Variants in LOC400499 observed in about 807,000 individuals in gnomAD.
chr16:11,446,984 G>C, the LOC400499 span: 1 of 1,460,738 alleles, frequency 6.8e-7, no homozygotes, highest in Non-Finnish European at 9.1e-7. Flanking sequence ...TGTGCCCCAC[G>C]GTCTCAGCCT....
the LOC400499 span, chr16:11,383,708 G>T: frequency 8.1e-7 from 1 of 1,232,506 alleles, no homozygotes. Flanking sequence ...GCGGCCGCCA[G>T]GTTGCAGGCA....
the LOC400499 span, among the ~76,000 whole-genome samples, chr16:11,518,387 C>T: frequency 1.3e-5 from 2 of 152,148 alleles, no homozygotes; most frequent in South Asian, 2.1e-4. Context: ...AGGGAGAATC[C>T]CAGGCTTGGC....
the LOC400499 span, among the ~76,000 whole-genome samples, chr16:11,453,207 G>C: frequency 7.0e-4 from 107 of 152,288 alleles, no homozygotes; most frequent in African/African-American, 2.5e-3. Flanking sequence ...GGATTTTAAG[G>C]AGAATAGATT....
the LOC400499 span, chr16:11,450,702 T>C: frequency 2.0e-6 from 3 of 1,536,158 alleles, no homozygotes; most frequent in East Asian, 7.3e-5. Flanking sequence ...CCAGGTCCTT[T>C]AGGGTCCAGG....
At chr16:11,386,897 C>G in the LOC400499 span, among the ~76,000 whole-genome samples, 1 of 152,230 alleles carries the variant, frequency 6.6e-6, no homozygotes, top group Non-Finnish European at 1.5e-5. Flanking sequence ...GCCTGAAGCC[C>G]TAAACCACCC....
At chr16:11,457,095 G>C in the LOC400499 span, 18 of 1,453,240 alleles carry the variant, frequency 1.2e-5, no homozygotes, top group Non-Finnish European at 1.5e-5. Flanking sequence ...CCCTGGCGTA[G>C]AATGTGCCCG....
chr16:11,457,202 T>C, the LOC400499 span: 16 of 622,710 alleles, frequency 2.6e-5, no homozygotes, highest in East Asian at 2.9e-4. Flanking sequence ...ACAAGGAGCG[T>C]TGGTAAGGAT....
chr16:11,471,999 C>A, the LOC400499 span: 1 of 395,038 alleles, frequency 2.5e-6, no homozygotes, highest in Non-Finnish European at 4.5e-6. Flanking sequence ...TCTGCCTCAG[C>A]ACTGCTGACA....
At chr16:11,386,553 A>C in the LOC400499 span, among the ~76,000 whole-genome samples, 2 of 152,198 alleles carry the variant, frequency 1.3e-5, no homozygotes, top group Non-Finnish European at 2.9e-5. Flanking sequence ...GGGTTCCCCC[A>C]TAGACATGAG....
At chr16:11,503,568 G>A in the LOC400499 span, among the ~76,000 whole-genome samples, 9,147 of 152,210 alleles carry the variant, frequency 0.06, 723 homozygotes, top group African/African-American at 0.18. Flanking sequence ...TCCGAGGCTG[G>A]GACCTGCTTC....
chr16:11,387,074 CAG>C, the LOC400499 span: 1 of 1,231,460 alleles, frequency 8.1e-7, no homozygotes, highest in Non-Finnish European at 1.0e-6. Flanking sequence ...AGGGGGCTCT[CAG>C]GGAGGAGGGC....
At chr16:11,480,385 C>T in the LOC400499 span, among the ~76,000 whole-genome samples, 10 of 152,178 alleles carry the variant, frequency 6.6e-5, no homozygotes, top group Non-Finnish European at 8.8e-5. Flanking sequence ...TCCCAAGCCC[C>T]GGGTTCACCC....
the LOC400499 span, among the ~76,000 whole-genome samples, chr16:11,496,246 T>C: frequency 6.6e-6 from 1 of 152,036 alleles, no homozygotes; most frequent in African/African-American, 2.4e-5. Context: ...TTTGTATTTT[T>C]AGTAGAGATG....
the LOC400499 span, among the ~76,000 whole-genome samples, chr16:11,496,223 C>T: frequency 1.3e-5 from 2 of 152,098 alleles, no homozygotes; most frequent in Non-Finnish European, 2.9e-5. Flanking sequence ...TCTGCCACCA[C>T]GCCTGGCTAA....
At chr16:11,435,722 G>A in the LOC400499 span, 6 of 399,226 alleles carry the variant, frequency 1.5e-5, no homozygotes, top group East Asian at 1.4e-4. Flanking sequence ...ACTGAGGACA[G>A]CCTGGTGGAG....
chr16:11,389,494 C>T, the LOC400499 span, among the ~76,000 whole-genome samples: 1 of 152,050 alleles, frequency 6.6e-6, no homozygotes, highest in Non-Finnish European at 1.5e-5. Context: ...CCAGCCTGGC[C>T]AACATGGCAG....
chr16:11,515,561 G>T, the LOC400499 span, among the ~76,000 whole-genome samples: 1 of 151,650 alleles, frequency 6.6e-6, no homozygotes, highest in Non-Finnish European at 1.5e-5. Context: ...TTTCTTGAAG[G>T]AAAGAGGAGA....
chr16:11,453,942 A>G, the LOC400499 span, among the ~76,000 whole-genome samples: 1 of 152,388 alleles, frequency 6.6e-6, no homozygotes, highest in Non-Finnish European at 1.5e-5. Context: ...AAGAAACTGT[A>G]AGAGAAAATT....
At chr16:11,408,877 T>C in the LOC400499 span, among the ~76,000 whole-genome samples, 1 of 152,062 alleles carries the variant, frequency 6.6e-6, no homozygotes, top group Admixed American at 6.6e-5. Flanking sequence ...TATGTGATTA[T>C]GTGAAATAAA....
Sources: gnomAD v4.1 joint callset for allele counts (sites outside exome capture counted in the v4.1 genomes callset) on GRCh38, gnomAD v4.1.1 for gene constraint, MANE v1.5 for transcripts.